SEMA3E: variants seen among roughly 807,000 people sequenced by gnomAD.
SEMA3E encodes the protein semaphorin 3E.
Under a neutral mutation model 93.6 loss-of-function variants are expected in SEMA3E, and 49 were observed. That is an observed-to-expected ratio of 0.52 (90% confidence interval 0.42 to 0.66). SEMA3E has a LOEUF of 0.66. SEMA3E is among the 30% of genes least tolerant of loss of function. The pLI is 0.00. For synonymous variants in SEMA3E, 363 were observed against 330.7 expected (o/e 1.10, Z -1.06); for missense variants, 906 against 964.8 (o/e 0.94, Z 0.81).
chr7:83,633,426 T>A (rs1015429898), intron 1 of SEMA3E, among the ~76,000 whole-genome samples: 2 of 152,216 alleles, frequency 1.3e-5, no homozygotes, highest in African/African-American at 4.8e-5. Context: ...CACATTTGAT[T>A]TCTAAATAGT....
At chr7:83,519,018 T>C (rs1234162969) in intron 1 of SEMA3E, among the ~76,000 whole-genome samples, 1 of 152,148 alleles carries the variant, frequency 6.6e-6, no homozygotes, top group Non-Finnish European at 1.5e-5. Flanking sequence ...ATGTGCACAA[T>C]GTGCAGGTTA....
chr7:83,517,369 G>C (rs1487626413), intron 1 of SEMA3E, among the ~76,000 whole-genome samples: 1 of 152,130 alleles, frequency 6.6e-6, no homozygotes, highest in Admixed American at 6.6e-5. Context: ...CAACAACGTT[G>C]AAAGCTTTAC....
At chr7:83,641,792 ACAGCAT>A (rs1173023196) in intron 1 of SEMA3E, among the ~76,000 whole-genome samples, 1 of 152,194 alleles carries the variant, frequency 6.6e-6, no homozygotes, top group Non-Finnish European at 1.5e-5. Context: ...AAAAAAGAGA[ACAGCAT>A]AGATTAATTC....
chr7:83,483,110 A>G (rs1790182504), intron 2 of SEMA3E, among the ~76,000 whole-genome samples: 1 of 151,888 alleles, frequency 6.6e-6, no homozygotes. Flanking sequence ...GTCCCAACTC[A>G]GAAATCAGAA....
chr7:83,382,050 C>A (rs1409037413), intron 16 of SEMA3E, among the ~76,000 whole-genome samples: 1 of 151,976 alleles, frequency 6.6e-6, no homozygotes, highest in Non-Finnish European at 1.5e-5. Flanking sequence ...AATCTGACAT[C>A]AGGAGCATTT....
chr7:83,498,414 T>C (rs561336023), intron 1 of SEMA3E, among the ~76,000 whole-genome samples: 1 of 152,294 alleles, frequency 6.6e-6, no homozygotes, highest in African/African-American at 2.4e-5. Flanking sequence ...GATTTTAGTA[T>C]CCATTTTATT....
At chr7:83,633,130 C>T (rs1793819273) in intron 1 of SEMA3E, among the ~76,000 whole-genome samples, 1 of 151,968 alleles carries the variant, frequency 6.6e-6, no homozygotes, top group African/African-American at 2.4e-5. Flanking sequence ...CAGTTATTAG[C>T]TTTTCTACTT....
intron 16 of SEMA3E, among the ~76,000 whole-genome samples, chr7:83,380,099 G>A (rs1584203941): frequency 1.3e-5 from 2 of 151,854 alleles, no homozygotes; most frequent in Admixed American, 1.3e-4. Flanking sequence ...TCCCAAACGT[G>A]CTTCTTCTCC....
intron 1 of SEMA3E, among the ~76,000 whole-genome samples, chr7:83,639,613 G>C (rs1054077802): frequency 6.6e-6 from 1 of 150,672 alleles, no homozygotes; most frequent in Admixed American, 6.6e-5. Context: ...AAATTAGAAA[G>C]TATTATAAGA....
chr7:83,429,643 A>G (rs972767843), intron 4 of SEMA3E, among the ~76,000 whole-genome samples: 1 of 152,224 alleles, frequency 6.6e-6, no homozygotes, highest in Non-Finnish European at 1.5e-5. Context: ...TCTAACCTCA[A>G]GAATGGGCAG....
chr7:83,369,061 C>G (rs966618006), intron 16 of SEMA3E, among the ~76,000 whole-genome samples: 1 of 152,166 alleles, frequency 6.6e-6, no homozygotes, highest in East Asian at 1.9e-4. Context: ...TACCTTTCTA[C>G]TATACATTCA....
intron 4 of SEMA3E, among the ~76,000 whole-genome samples, chr7:83,458,038 C>CAT (rs562858423): frequency 1.9e-4 from 28 of 150,674 alleles, no homozygotes; most frequent in African/African-American, 4.9e-4. Context: ...TCTCTTGTGA[C>CAT]ATATATATAT....
chr7:83,441,477 G>T (rs1045796914), intron 4 of SEMA3E, among the ~76,000 whole-genome samples: 1 of 152,150 alleles, frequency 6.6e-6, no homozygotes, highest in Non-Finnish European at 1.5e-5. Context: ...TGCCACTGAA[G>T]AATTTAGAAA....
chr7:83,565,496 A>T (rs1428256572), intron 1 of SEMA3E, among the ~76,000 whole-genome samples: 1 of 152,210 alleles, frequency 6.6e-6, no homozygotes, highest in South Asian at 2.1e-4. Context: ...CATTCTGCAC[A>T]TATATCCTGG....
intron 1 of SEMA3E, among the ~76,000 whole-genome samples, chr7:83,498,646 T>G (rs1255235126): frequency 6.6e-6 from 1 of 151,966 alleles, no homozygotes; most frequent in African/African-American, 2.4e-5. Flanking sequence ...CCCTGCAAAT[T>G]TTTGTATTTT....
intron 10 of SEMA3E, among the ~76,000 whole-genome samples, chr7:83,401,266 CA>C (rs1788229100): frequency 6.6e-6 from 1 of 152,010 alleles, no homozygotes; most frequent in South Asian, 2.1e-4. Flanking sequence ...TATTTTCCTC[CA>C]GAACTACAAC....
chr7:83,392,437 T>G (rs1788036913), intron 14 of SEMA3E, 118 bp downstream of exon 14: 5 of 1,139,172 alleles, frequency 4.4e-6, no homozygotes, highest in East Asian at 5.1e-5. Context: ...AGTGCCAGTC[T>G]CTGTACACAA....
In SEMA3E at chr7:83,435,800, A is replaced by C. The variant is rs566898894; in HGVS notation, c.457-17317T>G. Among the ~76,000 whole-genome samples, 13 of 152,302 alleles carry C rather than the reference A, an allele frequency of 8.5e-5. No individual in the cohort carries two copies. In the East Asian group the frequency reaches 2.5e-3, roughly 29 times the overall value. ...TATCATTGGTCTTTCGTGATGTAAA[A>C]TTCCATGGTTAATATACTTAACTTC... On this transcript the variant is annotated intron_variant, in intron 4 of 16. Transcript: ENST00000643230.
At chr7:83,506,028 A>AT (rs1476328697) in intron 1 of SEMA3E, among the ~76,000 whole-genome samples, 67 of 133,352 alleles carry the variant, frequency 5.0e-4, no homozygotes, top group African/African-American at 1.4e-3. Flanking sequence ...AAAAAAAAAA[A>AT]AAAAATATAT....
Sources: allele counts gnomAD v4.1 joint callset (sites outside exome capture counted in the v4.1 genomes callset), GRCh38; gene constraint gnomAD v4.1.1; transcripts MANE v1.5; gene names NCBI Gene and HGNC (gene_info 2026-07-23, HGNC 2026-07-21).